Variants in PTPRK observed in about 807,000 individuals in gnomAD.
PTPRK encodes receptor-type tyrosine-protein phosphatase kappa.
PTPRK carries 75 observed loss-of-function variants against 178.0 expected under a neutral mutation model. That is an observed-to-expected ratio of 0.42 (90% confidence interval 0.35 to 0.51). The LOEUF is 0.51. Ranked by LOEUF, PTPRK falls within the 20% of genes least tolerant of loss-of-function variation. The pLI is 0.02. For synonymous variants in PTPRK, 637 were observed against 620.6 expected (o/e 1.03, Z -0.39); for missense variants, 1,441 against 1,797.8 (o/e 0.80, Z 3.59).
intron 5 of PTPRK, among the ~76,000 whole-genome samples, chr6:128,229,669 T>A (rs1811974065): frequency 6.6e-6 from 1 of 152,188 alleles, no homozygotes. Flanking sequence ...AGGAGCAAAT[T>A]TGGAGAGGTG....
At chr6:128,073,022 A>G (rs1370691229) in intron 11 of PTPRK, among the ~76,000 whole-genome samples, 1 of 152,110 alleles carries the variant, frequency 6.6e-6, no homozygotes, top group Non-Finnish European at 1.5e-5. Flanking sequence ...ATACATCAGT[A>G]TGTGGCCGTA....
chr6:128,241,115 G>C (rs986303844), intron 4 of PTPRK: 4 of 419,826 alleles, frequency 9.5e-6, no homozygotes, highest in Admixed American at 3.1e-5. Flanking sequence ...AAGGCAGCTT[G>C]AACTTTAAAT....
intron 25 of PTPRK, among the ~76,000 whole-genome samples, chr6:127,978,258 T>A (rs1315200309): frequency 6.6e-6 from 1 of 152,202 alleles, no homozygotes; most frequent in African/African-American, 2.4e-5. Context: ...CACCCAAATC[T>A]CACCTAGAAT....
chr6:128,243,280 A>AT (rs1334420235), intron 3 of PTPRK, among the ~76,000 whole-genome samples: 2 of 152,122 alleles, frequency 1.3e-5, no homozygotes, highest in East Asian at 3.9e-4. Flanking sequence ...AGAAAAAAAA[A>AT]GTTTCTAGAT....
chr6:128,499,392 G>A (rs1764566588), intron 1 of PTPRK, among the ~76,000 whole-genome samples: 1 of 152,360 alleles, frequency 6.6e-6, no homozygotes, highest in African/African-American at 2.4e-5. Context: ...ACTTACATAT[G>A]TGTAGCTCAA....
intron 3 of PTPRK, among the ~76,000 whole-genome samples, chr6:128,266,405 C>T (rs1304340382): frequency 6.6e-6 from 1 of 152,054 alleles, no homozygotes; most frequent in Non-Finnish European, 1.5e-5. Context: ...GTTAATGAGG[C>T]TCAGTATACC....
intron 6 of PTPRK, among the ~76,000 whole-genome samples, chr6:128,193,472 T>TTGTGTG (rs10681233): frequency 2.0e-4 from 30 of 148,942 alleles, no homozygotes; most frequent in Non-Finnish European, 3.1e-4. Flanking sequence ...GTACTAATAC[T>TTGTGTG]TGTGTGTGTG....
intron 3 of PTPRK, among the ~76,000 whole-genome samples, chr6:128,245,047 T>C (rs956913221): frequency 6.6e-6 from 1 of 152,168 alleles, no homozygotes; most frequent in African/African-American, 2.4e-5. Context: ...ACTTACTATA[T>C]AAAGTAGACT....
At position 127,991,285 on chromosome 6, in the gene PTPRK, TC is replaced by T. The variant is rs1375795098; in HGVS notation, c.2979+8del. ...TTTATGACAAAAAAATTCTTTTTCT[TC>T]CTCTTACCCGGCCAACCTCAACTAA... On this transcript the variant is annotated splice_region_variant and intron_variant, in intron 20 of 29. Coordinates refer to ENST00000368226, the MANE Select transcript of PTPRK (RefSeq NM_002844.4). The T allele has an allele frequency of 6.3e-7, 1 of 1,581,236 alleles. No homozygotes were observed. Among genetic ancestry groups the T allele is most frequent in the Non-Finnish European group, 8.6e-7 (1 of 1,165,810 alleles).
intron 1 of PTPRK, among the ~76,000 whole-genome samples, chr6:128,432,783 A>G (rs1370089954): frequency 7.0e-6 from 1 of 142,532 alleles, no homozygotes; most frequent in Non-Finnish European, 1.5e-5. Flanking sequence ...CCCTAACTCA[A>G]TGTAGTTTAT....
intron 1 of PTPRK, among the ~76,000 whole-genome samples, chr6:128,463,091 AG>A (rs1218116514): frequency 6.6e-6 from 1 of 152,346 alleles, no homozygotes; most frequent in African/African-American, 2.4e-5. Flanking sequence ...ACTATAAAAA[AG>A]GAACAATAAA....
At chr6:128,468,239 G>A (rs1026068509) in intron 1 of PTPRK, among the ~76,000 whole-genome samples, 2 of 152,132 alleles carry the variant, frequency 1.3e-5, no homozygotes, top group African/African-American at 4.8e-5. Context: ...CAGTACAAAC[G>A]AATTTGGGGC....
At chr6:128,480,962 C>A (rs1465426094) in intron 1 of PTPRK, among the ~76,000 whole-genome samples, 1 of 152,128 alleles carries the variant, frequency 6.6e-6, no homozygotes, top group Admixed American at 6.6e-5. Flanking sequence ...TTCCTTAAGT[C>A]ATTCTCTTTG....
chr6:128,428,992 G>C, intron 1 of PTPRK, among the ~76,000 whole-genome samples: 1 of 152,182 alleles, frequency 6.6e-6, no homozygotes, highest in East Asian at 1.9e-4. Context: ...TAGGTTAGGT[G>C]TATTAAAAGT....
intron 2 of PTPRK, among the ~76,000 whole-genome samples, chr6:128,374,775 T>C (rs1299876376): frequency 6.6e-6 from 1 of 152,092 alleles, no homozygotes; most frequent in Non-Finnish European, 1.5e-5. Flanking sequence ...CAAGATAAAA[T>C]CATGTCACTC....
intron 2 of PTPRK, among the ~76,000 whole-genome samples, chr6:128,374,171 C>T (rs189786683): frequency 6.6e-6 from 1 of 152,176 alleles, no homozygotes; most frequent in Non-Finnish European, 1.5e-5. Context: ...GTGCATATTC[C>T]TCTGATGGCA....
chr6:128,141,161 T>G (rs1287571175), intron 7 of PTPRK, among the ~76,000 whole-genome samples: 1 of 151,946 alleles, frequency 6.6e-6, no homozygotes, highest in East Asian at 1.9e-4. Flanking sequence ...TTATTTTGCT[T>G]GATATTTTAT....
intron 13 of PTPRK, among the ~76,000 whole-genome samples, chr6:128,052,246 C>G (rs1352434206): frequency 6.6e-6 from 1 of 152,128 alleles, no homozygotes; most frequent in Non-Finnish European, 1.5e-5. Flanking sequence ...ATCCAGAATA[C>G]TTTAGTATTT....
At chr6:128,471,177 C>T (rs973405909) in intron 1 of PTPRK, among the ~76,000 whole-genome samples, 4 of 151,904 alleles carry the variant, frequency 2.6e-5, no homozygotes, top group East Asian at 1.9e-4. Context: ...TAGTTGAAAA[C>T]GGTCAGAGAA....
Sources: allele counts gnomAD v4.1 joint callset (sites outside exome capture counted in the v4.1 genomes callset), GRCh38; gene constraint gnomAD v4.1.1; transcripts MANE v1.5; gene names NCBI Gene and HGNC (gene_info 2026-07-23, HGNC 2026-07-21).